CDH4: variants seen among roughly 807,000 people sequenced by gnomAD.
The protein encoded by CDH4 is cadherin 4.
In CDH4, 33 loss-of-function variants were observed where a neutral mutation model predicts 86.0. The ratio of observed to expected loss-of-function variants is 0.38; its 90% CI spans 0.29 to 0.51. CDH4 has a LOEUF of 0.51. Ranked by LOEUF, CDH4 falls within the 20% of genes least tolerant of loss-of-function variation. CDH4 has a pLI of 0.86. For missense variants in CDH4, 1,114 were observed against 1,307.4 expected (o/e 0.85, Z 2.28); for synonymous variants, 555 against 549.4 (o/e 1.01, Z -0.14).
intron 2 of CDH4, among the ~76,000 whole-genome samples, chr20:61,360,459 A>G (rs1032812050): frequency 1.3e-4 from 20 of 152,198 alleles, no homozygotes; most frequent in African/African-American, 4.6e-4. Context: ...ATTCCTGGAC[A>G]GTTGGCATCT....
rs1277321142 is a variant in CDH4 at position 61,493,117 on chromosome 20, G to A, written c.169+238180G>A. ...CTCAAACCCATTTAATTTTAGCTCA[G>A]GAATTTTCCTGGAAATTGACCAAAG... On this transcript the variant is annotated intron_variant, in intron 2 of 15. Coordinates refer to ENST00000614565, the MANE Select transcript of CDH4 (RefSeq NM_001794.5). Among the ~76,000 whole-genome samples the A allele has an allele frequency of 3.3e-5, 5 of 152,292 alleles. No individual in the cohort carries two copies. The South Asian group carries it at 1.0e-3, about 32-fold the overall frequency.
chr20:61,592,918 C>T (rs1600789473), intron 2 of CDH4, among the ~76,000 whole-genome samples: 2 of 152,250 alleles, frequency 1.3e-5, no homozygotes, highest in East Asian at 1.9e-4. Context: ...AAAGGGACTT[C>T]GTGGGGGTGA....
At chr20:61,263,607 T>C (rs1716017793) in intron 2 of CDH4, among the ~76,000 whole-genome samples, 1 of 152,246 alleles carries the variant, frequency 6.6e-6, no homozygotes, top group African/African-American at 2.4e-5. Flanking sequence ...ACACTGCCTT[T>C]TCCAGGAGGA....
At chr20:61,903,104 C>T (rs2054747317) in intron 8 of CDH4, among the ~76,000 whole-genome samples, 2 of 152,004 alleles carry the variant, frequency 1.3e-5, no homozygotes, top group South Asian at 4.2e-4. Flanking sequence ...GTGCCACGTG[C>T]CAGGCCTTGT....
At chr20:61,546,442 T>G (rs2086087826) in intron 2 of CDH4, among the ~76,000 whole-genome samples, 1 of 151,756 alleles carries the variant, frequency 6.6e-6, no homozygotes, top group South Asian at 2.1e-4. Flanking sequence ...TTTGTGTTAG[T>G]GACATTCTAG....
chr20:61,841,175 C>T (rs1982148079), intron 4 of CDH4, among the ~76,000 whole-genome samples: 1 of 152,262 alleles, frequency 6.6e-6, no homozygotes, highest in African/African-American at 2.4e-5. Context: ...CACTCAGCCA[C>T]TCGAGCACCT....
chr20:61,295,546 T>C (rs917561157), intron 2 of CDH4, among the ~76,000 whole-genome samples: 3 of 152,158 alleles, frequency 2.0e-5, no homozygotes, highest in African/African-American at 7.2e-5. Context: ...GTATCTCTGA[T>C]TTCAATACTT....
At chr20:61,723,671 C>T (rs903141010) in intron 2 of CDH4, among the ~76,000 whole-genome samples, 1 of 152,218 alleles carries the variant, frequency 6.6e-6, no homozygotes, top group Non-Finnish European at 1.5e-5. Flanking sequence ...CTGGGCAGGG[C>T]TGTGCGGTGC....
chr20:61,271,173 G>A (rs1209639556), intron 2 of CDH4, among the ~76,000 whole-genome samples: 1 of 152,136 alleles, frequency 6.6e-6, no homozygotes, highest in Admixed American at 6.5e-5. Context: ...GATGGACTGG[G>A]GGGCTGGGAG....
At chr20:61,739,512 G>A (rs2088307540) in intron 2 of CDH4, among the ~76,000 whole-genome samples, 1 of 152,220 alleles carries the variant, frequency 6.6e-6, no homozygotes, top group South Asian at 2.1e-4. Context: ...GGTAGGGCAG[G>A]TTACAGGTTT....
intron 15 of CDH4, among the ~76,000 whole-genome samples, chr20:61,935,146 G>C (rs1313407732): frequency 1.3e-5 from 2 of 152,324 alleles, no homozygotes; most frequent in Admixed American, 1.3e-4. Flanking sequence ...TCTAGTCGGC[G>C]TGAGCCCCTG....
chr20:61,673,133 C>T (rs369094781), intron 2 of CDH4, among the ~76,000 whole-genome samples: 13 of 152,274 alleles, frequency 8.5e-5, no homozygotes, highest in African/African-American at 2.6e-4. Flanking sequence ...GCTTTCTGGC[C>T]TGGAGCCCCC....
intron 2 of CDH4, among the ~76,000 whole-genome samples, chr20:61,305,244 C>T (rs1349862570): frequency 3.9e-5 from 6 of 152,158 alleles, no homozygotes; most frequent in African/African-American, 1.2e-4. Context: ...TTTTCTTTGT[C>T]TGGGGGCAGA....
intron 2 of CDH4, among the ~76,000 whole-genome samples, chr20:61,398,770 T>A (rs560817639): frequency 4.7e-4 from 72 of 152,364 alleles, no homozygotes; most frequent in African/African-American, 1.7e-3. Context: ...TTCGTTAATT[T>A]TGACACATAC....
chr20:61,444,863 G>A (rs1415476830), intron 2 of CDH4, among the ~76,000 whole-genome samples: 1 of 150,510 alleles, frequency 6.6e-6, no homozygotes, highest in African/African-American at 2.4e-5. Context: ...GTGTGTATAT[G>A]TATGTGTGTT....
intron 2 of CDH4, among the ~76,000 whole-genome samples, chr20:61,364,449 C>T (rs1287634227): frequency 1.3e-5 from 2 of 152,192 alleles, no homozygotes; most frequent in Non-Finnish European, 2.9e-5. Context: ...GGACTTGCTA[C>T]CTGGAGGGCT....
chr20:61,378,679 CT>C (rs1433214075), intron 2 of CDH4, among the ~76,000 whole-genome samples: 2 of 152,208 alleles, frequency 1.3e-5, no homozygotes, highest in Admixed American at 1.3e-4. Context: ...AATACCATTT[CT>C]CCAAGTAAAA....
At chr20:61,847,982 A>T (rs1982535782) in intron 5 of CDH4, among the ~76,000 whole-genome samples, 1 of 152,184 alleles carries the variant, frequency 6.6e-6, no homozygotes, top group Non-Finnish European at 1.5e-5. Flanking sequence ...TCTAGAAGGG[A>T]CGGAACATCC....
chr20:61,899,613 GTGA>G (rs1458301582), intron 8 of CDH4, among the ~76,000 whole-genome samples: 1 of 152,150 alleles, frequency 6.6e-6, no homozygotes, highest in African/African-American at 2.4e-5. Context: ...ATTCTTAGTA[GTGA>G]TGGGGTTTCA....
Sources: allele counts gnomAD v4.1 joint callset (sites outside exome capture counted in the v4.1 genomes callset), GRCh38; gene constraint gnomAD v4.1.1; transcripts MANE v1.5; gene names NCBI Gene and HGNC (gene_info 2026-07-23, HGNC 2026-07-21).